The following SLC25A26 variants were observed in gnomAD, a reference collection of about 807,000 sequenced individuals.
SLC25A26 encodes the protein solute carrier family 25 member 26, also known as mitochondrial S-adenosylmethionine carrier protein.
In SLC25A26, 36 loss-of-function variants were observed where a neutral mutation model predicts 37.8. The observed-to-expected ratio is 0.95, with a 90% CI of 0.73 to 1.26. The LOEUF is 1.26. Among genes scored for constraint, SLC25A26 ranks in the 50% most tolerant of loss-of-function variants. The pLI, the probability that SLC25A26 is intolerant of heterozygous loss-of-function variation, is 0.00. For synonymous variants in SLC25A26, 129 were observed against 122.5 expected (o/e 1.05, Z -0.35); for missense variants, 390 against 331.1 (o/e 1.18, Z -1.38).
chr3:66,137,837 TC>T (rs2069969938), intron 1 of SLC25A26, among the ~76,000 whole-genome samples: 1 of 152,124 alleles, frequency 6.6e-6, no homozygotes, highest in Non-Finnish European at 1.5e-5. Flanking sequence ...TTTTCTTTTT[TC>T]TTTTTTTTGT....
At chr3:66,220,707 C>A, upstream of SLC25A26, 1 of 311,480 alleles carries the variant, frequency 3.2e-6, no homozygotes, top group Non-Finnish European at 6.0e-6. Context: ...ACGACTCCTC[C>A]CTCCGCCACA....
chr3:66,194,831 C>T lies in SLC25A26; in HGVS notation c.-353-25911C>T, dbSNP rs1396759583. ...GGCCAGGCTGGTCTCGGACTCCCGA[C>T]CCCAGGTGATCCGCCCTCCTCGGCC... is the stretch of plus-strand genomic sequence containing the variant. On this transcript the variant is annotated intron_variant, in intron 1 of 10. Transcript: ENST00000676754. Among the ~76,000 whole-genome samples the T allele has an allele frequency of 2.0e-5, 3 of 152,174 alleles. 1 individual carries two copies. Among genetic ancestry groups the T allele is most frequent in the Admixed American group, 6.5e-5 (1 of 15,274 alleles).
At chr3:66,355,944 A>G in intron 6 of SLC25A26, 1 of 445,336 alleles carries the variant, frequency 2.2e-6, no homozygotes, top group Non-Finnish European at 4.5e-6. Context: ...TGATGTTACT[A>G]ATTTGGAATT....
rs1198163026 is a variant in SLC25A26, at chr3:66,236,545, C to G, written c.35C>G (p.Ala12Gly). 1.4e-6 allele frequency: 2 copies of G among 1,419,206 alleles called. No individual in the cohort carries two copies. Among genetic ancestry groups the G allele is most frequent in the Non-Finnish European group, 9.3e-7 (1 of 1,076,406 alleles). 87.9% of individuals were successfully genotyped at this position (1,419,206 alleles called of 1,614,324 possible). A position where few individuals can be genotyped will look rare whatever the true frequency, so the allele number is the denominator to read the frequency against. The change falls in exon 2 of 10, where the codon GCT becomes GGT. Residue 12 changes from alanine to glycine, a missense_variant and splice_region_variant. Transcript: ENST00000354883. The stretch of plus-strand genomic sequence containing the variant: ...TTCTTCCCTCTTTTTTTTTCAAAGG[C>G]TGGTGGGGTAGCAGGTGTTTCTGTT... ...DRPGFVAALV[A>G]GGVAGVSVDL... is the part of the protein sequence containing the mutation.
At chr3:66,138,383 C>T (rs2069980718) in intron 1 of SLC25A26, among the ~76,000 whole-genome samples, 1 of 152,122 alleles carries the variant, frequency 6.6e-6, no homozygotes, top group Non-Finnish European at 1.5e-5. Context: ...TGATAAATTT[C>T]TCTTTTTTTC....
chr3:66,298,831 A>C (rs558874780), intron 5 of SLC25A26, among the ~76,000 whole-genome samples: 2 of 152,318 alleles, frequency 1.3e-5, no homozygotes, highest in East Asian at 3.9e-4. Flanking sequence ...AATTGCTTTC[A>C]TCTTTGAGAT....
chr3:66,359,607 G>A (rs2076652171), intron 6 of SLC25A26, among the ~76,000 whole-genome samples: 2 of 152,128 alleles, frequency 1.3e-5, no homozygotes, highest in South Asian at 4.1e-4. Flanking sequence ...CTAAGTTGGT[G>A]AAGTAAATGT....
intron 5 of SLC25A26, among the ~76,000 whole-genome samples, chr3:66,282,987 T>G (rs976349594): frequency 6.6e-6 from 1 of 152,234 alleles, no homozygotes; most frequent in Non-Finnish European, 1.5e-5. Flanking sequence ...GCGTAATGCC[T>G]TTGAGATTCA....
intron 5 of SLC25A26, among the ~76,000 whole-genome samples, chr3:66,280,338 A>G (rs746317328): frequency 2.0e-5 from 3 of 152,186 alleles, no homozygotes; most frequent in Non-Finnish European, 4.4e-5. Flanking sequence ...CTTCACAGTA[A>G]TTCTCAATCA....
chr3:66,209,898 T>TATATATTTATATA (rs2071256377), intron 1 of SLC25A26, among the ~76,000 whole-genome samples: 6 of 38,606 alleles, frequency 1.6e-4, no homozygotes, highest in African/African-American at 5.3e-4. Flanking sequence ...CTCTCTCTAT[T>TATATATTTATATA]TATATATATA....
chr3:66,289,348 T>C (rs1360409206), intron 5 of SLC25A26, among the ~76,000 whole-genome samples: 2 of 152,238 alleles, frequency 1.3e-5, no homozygotes. Flanking sequence ...TTTGTCAATT[T>C]TGGCTTTGTT....
intron 5 of SLC25A26, among the ~76,000 whole-genome samples, chr3:66,268,216 G>T (rs1294889503): frequency 6.6e-6 from 1 of 152,222 alleles, no homozygotes; most frequent in Non-Finnish European, 1.5e-5. Context: ...TGCAGTGAGT[G>T]ATGCTGTTCC....
At chr3:66,323,249 C>A (rs564002374) in intron 5 of SLC25A26, among the ~76,000 whole-genome samples, 14 of 152,270 alleles carry the variant, frequency 9.2e-5, no homozygotes, top group African/African-American at 3.4e-4. Context: ...GAGTGTCTTG[C>A]CTTTAACAGG....
chr3:66,252,587 G>A (rs1419443418), intron 3 of SLC25A26, among the ~76,000 whole-genome samples: 2 of 152,176 alleles, frequency 1.3e-5, no homozygotes, highest in Non-Finnish European at 2.9e-5. Context: ...GTTCTTACAA[G>A]GATGAAATTA....
intron 1 of SLC25A26, among the ~76,000 whole-genome samples, chr3:66,209,092 A>ATATATATATATATATACACAAAAAGG (rs2071233633): frequency 2.7e-5 from 1 of 37,394 alleles, no homozygotes; most frequent in Non-Finnish European, 4.1e-5. Flanking sequence ...ATAAAGATGT[A>ATATATATATATATATACACAAAAAGG]TATATATATA....
intron 6 of SLC25A26, among the ~76,000 whole-genome samples, chr3:66,346,708 CTGTGTGCGTGTGTGTG>C (rs2076331592): frequency 8.6e-6 from 1 of 116,778 alleles, no homozygotes; most frequent in East Asian, 2.7e-4. Flanking sequence ...TTTCATTTTG[CTGTGTGCGTGTGTGTG>C]TGTGTGTGTG....
At position 66,138,461 on chromosome 3, in the gene SLC25A26, C is replaced by T. The variant is rs188384322; in HGVS notation, c.-354+4477C>T. 8.1e-4 allele frequency among the ~76,000 whole-genome samples: 124 copies of T among 152,156 alleles called. 2 individuals are homozygous for T. Among genetic ancestry groups the T allele is most frequent in the African/African-American group, 2.9e-3 (122 of 41,510 alleles). On this transcript the variant is annotated intron_variant, in intron 1 of 10. Coordinates refer to the SLC25A26 transcript ENST00000676754. ...CAATTTTGCAACCTGTTATTTTCTC[C>T]TAAGGTTAGATTTTGCTTGGCACTC...
upstream of SLC25A26, among the ~76,000 whole-genome samples, chr3:66,220,044 T>C (rs561860806): frequency 1.9e-4 from 29 of 152,316 alleles, no homozygotes; most frequent in African/African-American, 6.5e-4. Context: ...AGCAGTGTTA[T>C]AGAATAGGGA....
chr3:66,184,620 A>ACCTTGAGATT (rs2070788205), intron 1 of SLC25A26, among the ~76,000 whole-genome samples: 1 of 151,822 alleles, frequency 6.6e-6, no homozygotes, highest in Non-Finnish European at 1.5e-5. Flanking sequence ...TTACATGCTC[A>ACCTTGAGATT]ACCAAATCCT....
Sources: allele counts gnomAD v4.1 joint callset (sites outside exome capture counted in the v4.1 genomes callset), GRCh38; gene constraint gnomAD v4.1.1; transcripts MANE v1.5; gene names NCBI Gene and HGNC (gene_info 2026-07-23, HGNC 2026-07-21).